The following AFG2A variants were observed in gnomAD, a reference collection of about 807,000 sequenced individuals.
AFG2A encodes AAA ATPase AFG2A.
chr4:123,287,383 T>C, the AFG2A span, among the ~76,000 whole-genome samples: 5 of 152,144 alleles, frequency 3.3e-5, no homozygotes, highest in East Asian at 7.7e-4. Flanking sequence ...AGCACACAAA[T>C]TGTGTGGTTC....
At chr4:123,211,144 A>C in the AFG2A span, among the ~76,000 whole-genome samples, 1 of 152,210 alleles carries the variant, frequency 6.6e-6, no homozygotes, top group East Asian at 1.9e-4. Flanking sequence ...TTTACCAACA[A>C]CTGAGCTTAA....
At chr4:123,287,936 A>G in the AFG2A span, among the ~76,000 whole-genome samples, 1 of 152,162 alleles carries the variant, frequency 6.6e-6, no homozygotes, top group Non-Finnish European at 1.5e-5. Context: ...AGGGAACAAG[A>G]AGTCCACATG....
chr4:122,950,039 C>T, the AFG2A span, among the ~76,000 whole-genome samples: 1 of 152,208 alleles, frequency 6.6e-6, no homozygotes, highest in Non-Finnish European at 1.5e-5. Flanking sequence ...GGGCAAAGGT[C>T]TGCTGTCCCT....
At chr4:123,020,369 GTT>G in the AFG2A span, among the ~76,000 whole-genome samples, 2 of 142,016 alleles carry the variant, frequency 1.4e-5, no homozygotes, top group African/African-American at 2.6e-5. Context: ...TGTGTATGTG[GTT>G]TTTTTTTTTT....
the AFG2A span, among the ~76,000 whole-genome samples, chr4:123,286,531 A>T: frequency 6.6e-6 from 1 of 152,204 alleles, no homozygotes; most frequent in Non-Finnish European, 1.5e-5. Flanking sequence ...TGTAAAATCA[A>T]TGCCAACTGC....
At chr4:123,007,641 C>CATATA in the AFG2A span, among the ~76,000 whole-genome samples, 1 of 16,208 alleles carries the variant, frequency 6.2e-5, no homozygotes, top group African/African-American at 1.6e-4. Context: ...CACACACACA[C>CATATA]AACACACACA....
At chr4:123,071,565 G>A in the AFG2A span, among the ~76,000 whole-genome samples, 1 of 151,854 alleles carries the variant, frequency 6.6e-6, no homozygotes, top group Non-Finnish European at 1.5e-5. Context: ...AATATTGTCT[G>A]TGTTAGTGTG....
At chr4:123,118,969 A>C in the AFG2A span, among the ~76,000 whole-genome samples, 10 of 152,084 alleles carry the variant, frequency 6.6e-5, no homozygotes, top group African/African-American at 2.4e-4. Context: ...TTTCTAAACC[A>C]TATTTTATTA....
the AFG2A span, among the ~76,000 whole-genome samples, chr4:122,992,956 TTG>T: frequency 2.8e-4 from 37 of 132,858 alleles, no homozygotes; most frequent in African/African-American, 8.0e-5. Flanking sequence ...CCTGTAAGAT[TTG>T]TGTGTGTGTG....
the AFG2A span, among the ~76,000 whole-genome samples, chr4:123,297,775 C>T: frequency 6.6e-6 from 1 of 151,884 alleles, no homozygotes; most frequent in African/African-American, 2.4e-5. Context: ...AGCCCCATTG[C>T]AGCACGCTGA....
chr4:123,034,900 G>A, the AFG2A span, among the ~76,000 whole-genome samples: 1 of 152,228 alleles, frequency 6.6e-6, no homozygotes, highest in Non-Finnish European at 1.5e-5. Context: ...CTGTACTGCA[G>A]TGAACAGGAT....
At chr4:123,076,631 A>G in the AFG2A span, among the ~76,000 whole-genome samples, 1 of 151,822 alleles carries the variant, frequency 6.6e-6, no homozygotes, top group African/African-American at 2.4e-5. Context: ...TAAACAAGTA[A>G]ACATAGAAGA....
chr4:122,966,309 C>T, the AFG2A span, among the ~76,000 whole-genome samples: 2 of 152,136 alleles, frequency 1.3e-5, no homozygotes, highest in African/African-American at 2.4e-5. Context: ...TTGTTCTTTT[C>T]TCCTTTCTAA....
chr4:123,156,925 G>C, the AFG2A span, among the ~76,000 whole-genome samples: 1 of 152,008 alleles, frequency 6.6e-6, no homozygotes, highest in East Asian at 1.9e-4. Flanking sequence ...ATCCTAACCT[G>C]CAGGTAGGGT....
the AFG2A span, among the ~76,000 whole-genome samples, chr4:123,008,721 T>C: frequency 1.3e-5 from 2 of 152,154 alleles, no homozygotes; most frequent in African/African-American, 4.8e-5. Context: ...AGGAATGCTC[T>C]AAGGTAAAAT....
chr4:123,083,559 CTT>C, the AFG2A span, among the ~76,000 whole-genome samples: 187 of 132,920 alleles, frequency 1.4e-3, no homozygotes, highest in African/African-American at 4.4e-3. Flanking sequence ...TATAATTATT[CTT>C]TTTTTTTTTT....
At chr4:122,999,590 C>G in the AFG2A span, among the ~76,000 whole-genome samples, 6,201 of 151,738 alleles carry the variant, frequency 0.041, 407 homozygotes, top group African/African-American at 0.14. Context: ...GCTTGTTTTT[C>G]TCAGGTTTGT....
At chr4:122,936,337 T>G in the AFG2A span, among the ~76,000 whole-genome samples, 1 of 152,220 alleles carries the variant, frequency 6.6e-6, no homozygotes, top group Non-Finnish European at 1.5e-5. Flanking sequence ...TTGATAAATA[T>G]TATTAAATTA....
the AFG2A span, among the ~76,000 whole-genome samples, chr4:122,931,855 C>G: frequency 0.43 from 66,109 of 152,038 alleles, 17,044 homozygotes; most frequent in Non-Finnish European, 0.57. Context: ...TCACTAATGA[C>G]CACAAATGCT....
Sources: gnomAD v4.1 joint callset for allele counts (sites outside exome capture counted in the v4.1 genomes callset) on GRCh38, gnomAD v4.1.1 for gene constraint, MANE v1.5 for transcripts, NCBI Gene and HGNC (gene_info 2026-07-23, HGNC 2026-07-21) for gene names.